Variants in SLC35B4 observed in about 807,000 individuals in gnomAD.
The protein encoded by SLC35B4 is solute carrier family 35 member B4, also known as nucleotide sugar transporter SLC35B4.
SLC35B4 carries 28 observed loss-of-function variants against 39.5 expected under a neutral mutation model. The observed-to-expected ratio is 0.71, with a 90% confidence interval of 0.53 to 0.97. The LOEUF (loss-of-function observed/expected upper bound fraction) is 0.97, where lower values mean the gene tolerates loss of function less well. Among genes scored for constraint, SLC35B4 ranks in the 50% least tolerant of loss-of-function variants. SLC35B4 has a pLI of 0.00. For synonymous variants in SLC35B4, 145 were observed against 150.4 expected (o/e 0.96, Z 0.26); for missense variants, 334 against 414.3 (o/e 0.81, Z 1.68).
upstream of SLC35B4, chr7:134,317,026 C>T (rs1410624555): frequency 2.2e-6 from 1 of 444,512 alleles, no homozygotes; most frequent in Admixed American, 4.1e-5. Context: ...GCACCTTTAC[C>T]TCAGGATGCG....
intron 2 of SLC35B4, among the ~76,000 whole-genome samples, chr7:134,307,551 A>G (rs1803737175): frequency 6.6e-6 from 1 of 152,238 alleles, no homozygotes; most frequent in Admixed American, 6.5e-5. Flanking sequence ...GAAATTTCAT[A>G]TGACTCAACT....
chr7:134,316,336 G>C (rs531794873), intron 1 of SLC35B4, among the ~76,000 whole-genome samples: 45 of 152,294 alleles, frequency 3.0e-4, no homozygotes, highest in Admixed American at 6.5e-4. Flanking sequence ...GCTCTCTGCC[G>C]ACCTTGGACT....
At chr7:134,300,727 A>T (rs1300343949) in intron 6 of SLC35B4, among the ~76,000 whole-genome samples, 5 of 152,230 alleles carry the variant, frequency 3.3e-5, no homozygotes, top group African/African-American at 1.2e-4. Flanking sequence ...AACCCTCATA[A>T]GTGGAATTAC....
chr7:134,316,878 T>A lies in SLC35B4; in HGVS notation c.-127A>T. On this transcript the variant is annotated 5_prime_UTR_variant, in exon 1 of 10. Transcript: ENST00000378509. The stretch of plus-strand genomic sequence containing the variant: ...CACCGTCCTGGAAAGCCGCTCTCAC[T>A]GGGGGCCGCCGCGGTCTCCCCTTCT... 1.1e-6 allele frequency: 1 copy of A among 887,702 alleles called. No homozygotes were observed. Among genetic ancestry groups the A allele is most frequent in the Non-Finnish European group, 1.7e-6 (1 of 584,650 alleles). 55.0% of individuals were successfully genotyped at this position (887,702 alleles called of 1,614,324 possible).
intron 1 of SLC35B4, among the ~76,000 whole-genome samples, chr7:134,310,788 C>G (rs932173764): frequency 1.3e-5 from 2 of 152,154 alleles, no homozygotes; most frequent in African/African-American, 4.8e-5. Flanking sequence ...ACCTTGCGAT[C>G]CACCTGCCTC....
chr7:134,300,078 T>C (rs1238898316), intron 7 of SLC35B4, 74 bp downstream of exon 7: 3 of 1,071,208 alleles, frequency 2.8e-6, no homozygotes, highest in Non-Finnish European at 4.2e-6. Flanking sequence ...CATCAGAGAA[T>C]ATTAATAGTT....
chr7:134,298,124 G>A (rs1803506382), intron 8 of SLC35B4, among the ~76,000 whole-genome samples: 1 of 152,226 alleles, frequency 6.6e-6, no homozygotes, highest in African/African-American at 2.4e-5. Flanking sequence ...CGAATAAAAT[G>A]TCTCATATAT....
Position 134,294,949 on chromosome 7 carries a change from G to A in SLC35B4, c.880C>T (p.Leu294=), listed in dbSNP as rs893304209. ...SILYFQNPFT[L]WHWLGTLFVF... ...AACAAGGTGCCCAGCCAGTGCCACA[G>A]GGTGAAGGGGTTCTGGAAGTACAAG... Residue 294 remains leucine (L), a synonymous_variant, in exon 10 of 10, where the codon CTG becomes TTG. Transcript: ENST00000378509. The A allele has an allele frequency of 6.2e-7, 1 of 1,614,082 alleles. No individual in the cohort carries two copies. Among genetic ancestry groups the A allele is most frequent in the Non-Finnish European group, 8.5e-7 (1 of 1,180,048 alleles).
chr7:134,304,130 C>T (rs771570828), intron 4 of SLC35B4, among the ~76,000 whole-genome samples: 8 of 152,198 alleles, frequency 5.3e-5, no homozygotes, highest in Non-Finnish European at 7.3e-5. Flanking sequence ...GGCTCTCCAA[C>T]GTGGTCACTA....
upstream of SLC35B4, among the ~76,000 whole-genome samples, chr7:134,317,758 G>A (rs1804023914): frequency 6.7e-6 from 1 of 148,894 alleles, no homozygotes; most frequent in Non-Finnish European, 1.5e-5. Context: ...CTTACTCAAT[G>A]AACAAATGTT....
upstream of SLC35B4, among the ~76,000 whole-genome samples, chr7:134,317,259 C>T (rs1334641731): frequency 1.3e-5 from 2 of 152,178 alleles, no homozygotes; most frequent in Non-Finnish European, 2.9e-5. Flanking sequence ...TGTGACTGCT[C>T]GTTGGAGGTG....
chr7:134,302,127 AAAG>A lies in SLC35B4; in HGVS notation c.345-20_345-18del. 6.3e-7 allele frequency: 1 copy of A among 1,596,996 alleles called. No homozygotes were observed. The highest frequency in any genetic ancestry group is 8.5e-7 in the Non-Finnish European group (1 of 1,171,458). On this transcript the variant is annotated intron_variant, in intron 4 of 9. Transcript: ENST00000378509. ...ATACTGTATCTGCAAAAAAGAAAAA[AAAG>A]AAGAAAAACACCTTAGGAAAGCACA...
At chr7:134,298,005 GT>G (rs1297030153) in intron 8 of SLC35B4, among the ~76,000 whole-genome samples, 1 of 152,126 alleles carries the variant, frequency 6.6e-6, no homozygotes, top group Non-Finnish European at 1.5e-5. Context: ...CAATGGCTCA[GT>G]TTTTTTGTAT....
intron 6 of SLC35B4, 30 bp from the exon 7 acceptor site, chr7:134,300,291 T>A (rs1332730031): frequency 6.8e-7 from 1 of 1,476,502 alleles, no homozygotes; most frequent in Non-Finnish European, 9.3e-7. Flanking sequence ...TGACAAGATG[T>A]CTGCATTTGT....
rs764623501 is a variant in SLC35B4, at chr7:134,304,854, C to G, written c.295G>C (p.Gly99Arg). The G allele has an allele frequency of 6.2e-7, 1 of 1,612,116 alleles. No individual in the cohort carries two copies. The change falls in exon 4 of 10, where the codon GGT becomes CGT. Residue 99 changes from glycine to arginine, a missense_variant and splice_region_variant. By Grantham distance (125) the Gly-to-Arg change is moderately radical (BLOSUM62 -2). Coordinates refer to ENST00000378509, the MANE Select transcript of SLC35B4 (RefSeq NM_032826.5). Reference sequence around the variant, plus strand: ...AGAATCATGTTGGCAATTAGAGAACCCTGCAAAAGGAGACAACAGTAACAG... The same window carrying G: ...AGAATCATGTTGGCAATTAGAGAACGCTGCAAAAGGAGACAACAGTAACAG... The part of the protein sequence containing the change: ...AMPLHMIFRS[G>R]SLIANMILGI...
At chr7:134,298,242 T>C (rs1803509147) in intron 8 of SLC35B4, among the ~76,000 whole-genome samples, 2 of 152,182 alleles carry the variant, frequency 1.3e-5, no homozygotes, top group Admixed American at 6.5e-5. Context: ...TTAGCAAGTA[T>C]TGAAATGAAA....
At chr7:134,305,168 C>T (rs140867396) in intron 3 of SLC35B4, among the ~76,000 whole-genome samples, 4 of 151,920 alleles carry the variant, frequency 2.6e-5, no homozygotes, top group Non-Finnish European at 2.9e-5. Context: ...CTAAAAAATA[C>T]GAAACTTAGC....
rs150362566 is a variant in SLC35B4 at position 134,297,241 on chromosome 7, T to G, written c.674-775A>C. On this transcript the variant is annotated intron_variant, in intron 8 of 9. Transcript: ENST00000378509. Reference sequence around the variant, plus strand: ...TAGCCAATTCAAAATGTATAAATAATATCTTAATCTGGCAAGTTGGTAATG... The same window carrying G: ...TAGCCAATTCAAAATGTATAAATAAGATCTTAATCTGGCAAGTTGGTAATG... Among the ~76,000 whole-genome samples the G allele has an allele frequency of 6.9e-3, 1,045 of 152,288 alleles. 13 individuals carry two copies. Among genetic ancestry groups the G allele is most frequent in the African/African-American group, 0.019 (774 of 41,550 alleles).
At chr7:134,308,535 T>C (rs2117309767) in intron 2 of SLC35B4, among the ~76,000 whole-genome samples, 1 of 152,314 alleles carries the variant, frequency 6.6e-6, no homozygotes, top group South Asian at 2.1e-4. Context: ...AAAAGTATAA[T>C]ATTAACAAAA....
Sources: allele counts gnomAD v4.1 joint callset (sites outside exome capture counted in the v4.1 genomes callset), GRCh38; gene constraint gnomAD v4.1.1; transcripts MANE v1.5; gene names NCBI Gene and HGNC (gene_info 2026-07-23, HGNC 2026-07-21).